TP53INP1: variants seen among roughly 807,000 people sequenced by gnomAD.
The protein encoded by TP53INP1 is tumor protein p53-inducible nuclear protein 1.
TP53INP1 carries 12 observed loss-of-function variants against 21.0 expected under a neutral mutation model. The ratio of observed to expected loss-of-function variants is 0.57; its 90% CI spans 0.37 to 0.93. The LOEUF (loss-of-function observed/expected upper bound fraction) is 0.93, where lower values mean the gene tolerates loss of function less well. TP53INP1 is among the 40% of genes least tolerant of loss of function. The pLI, the probability that TP53INP1 is intolerant of heterozygous loss-of-function variation, is 0.01. For missense variants in TP53INP1, 274 were observed against 294.7 expected, an observed-to-expected ratio of 0.93 and a Z score of 0.51; for synonymous variants, 91 against 94.8, an observed-to-expected ratio of 0.96 and a Z score of 0.23.
rs1016567522 is a variant in TP53INP1, at chr8:94,928,011, C to T, written c.*2468G>A. ...TGTGGTTGGCCTTGTGTCTTACATA[C>T]AGGAGATGCCTAACATCTAATAACC... On this transcript the variant is annotated 3_prime_UTR_variant, in exon 4 of 4. Coordinates refer to ENST00000342697, the MANE Select transcript of TP53INP1 (RefSeq NM_033285.4). The T allele has an allele frequency of 2.0e-5, 3 of 152,042 alleles. No homozygotes were observed. Among genetic ancestry groups the T allele is most frequent in the African/African-American group, 7.3e-5 (3 of 41,338 alleles). The allele number at this position is 152,042 out of a possible 1,614,324, so 9.4% of individuals were successfully genotyped here.
chr8:94,935,128 T>TATAGGTAG (rs1820838881), intron 3 of TP53INP1, among the ~76,000 whole-genome samples: 1 of 144,640 alleles, frequency 6.9e-6, no homozygotes, highest in South Asian at 2.3e-4. Flanking sequence ...GGTAGATAGA[T>TATAGGTAG]ATAGATAGAT....
chr8:94,942,330 G>A (rs1195458623), intron 1 of TP53INP1, among the ~76,000 whole-genome samples: 3 of 151,828 alleles, frequency 2.0e-5, no homozygotes, highest in East Asian at 1.9e-4. Flanking sequence ...GTGAGCTGCC[G>A]CACCCGCATG....
At chr8:94,940,249 A>G (rs2956210) in intron 2 of TP53INP1, 29 bp from the exon 3 acceptor site, 1,094,121 of 1,570,976 alleles carry the variant, frequency 0.7, 382,689 homozygotes, top group Middle Eastern at 0.77. Context: ...TGCAGTCCAC[A>G]TGTGTTGTTG....
At chr8:94,947,642 T>A (rs1822139163) in intron 1 of TP53INP1, among the ~76,000 whole-genome samples, 1 of 152,234 alleles carries the variant, frequency 6.6e-6, no homozygotes, top group Admixed American at 6.5e-5. Context: ...GTTCAACTAG[T>A]GTGCAAGGGA....
chr8:94,930,985 C>T (rs1373581586), intron 3 of TP53INP1, among the ~76,000 whole-genome samples: 4 of 152,298 alleles, frequency 2.6e-5, no homozygotes, highest in African/African-American at 9.6e-5. Context: ...TCTAAAAATA[C>T]ACTTTAAACT....
At position 94,927,194 on chromosome 8, in the gene TP53INP1, C is replaced by T. The variant is rs1195776639; in HGVS notation, c.*3285G>A. On this transcript the variant is annotated 3_prime_UTR_variant, in exon 4 of 4. Coordinates refer to ENST00000342697, the MANE Select transcript of TP53INP1 (RefSeq NM_033285.4). ...TTGGAGTCCTTCATGTTTTTGTTTC[C>T]AACTCAGAGAAAATGAGAATAATGA... The T allele has an allele frequency of 6.6e-6, 1 of 152,410 alleles. No homozygotes were observed. Among genetic ancestry groups the T allele is most frequent in the Non-Finnish European group, 1.5e-5 (1 of 67,984 alleles). The allele number at this position is 152,410 out of a possible 1,614,324, so 9.4% of individuals were successfully genotyped here. A position where few individuals can be genotyped will look rare whatever the true frequency, so the allele number is the denominator to read the frequency against.
At chr8:94,944,189 A>T (rs1821796111) in intron 1 of TP53INP1, among the ~76,000 whole-genome samples, 1 of 152,196 alleles carries the variant, frequency 6.6e-6, no homozygotes, top group South Asian at 2.1e-4. Flanking sequence ...TCTAGCCCTG[A>T]ATCAGCTAAA....
In TP53INP1 at chr8:94,929,342, G is replaced by A. The variant is rs903575697; in HGVS notation, c.*1137C>T. The A allele has an allele frequency of 2.6e-5, 4 of 151,812 alleles. No homozygotes were observed. The highest frequency in any genetic ancestry group is 9.7e-5 in the African/African-American group (4 of 41,292). The allele number at this position is 151,812 out of a possible 1,614,324, so 9.4% of individuals were successfully genotyped here. On this transcript the variant is annotated 3_prime_UTR_variant, in exon 4 of 4. Transcript: ENST00000342697. ...GGAAACAGAGGCCAGAGTGGTTAAAGATTTTGCCTGAAGTTAAAACAAAAA... is the reference window on the plus strand; with the variant it reads ...GGAAACAGAGGCCAGAGTGGTTAAAAATTTTGCCTGAAGTTAAAACAAAAA...
At chr8:94,941,634 A>T (rs564566115) in intron 1 of TP53INP1, among the ~76,000 whole-genome samples, 1 of 152,246 alleles carries the variant, frequency 6.6e-6, no homozygotes, top group Non-Finnish European at 1.5e-5. Flanking sequence ...GGCATGAAGA[A>T]ATTTACACTG....
At chr8:94,931,661 GA>G (rs1442562267) in intron 3 of TP53INP1, among the ~76,000 whole-genome samples, 1 of 151,728 alleles carries the variant, frequency 6.6e-6, no homozygotes, top group Non-Finnish European at 1.5e-5. Context: ...GAAACTAATA[GA>G]AAAAAGTTAA....
At chr8:94,931,589 C>CACAA in intron 3 of TP53INP1, among the ~76,000 whole-genome samples, 1 of 47,632 alleles carries the variant, frequency 2.1e-5, no homozygotes, top group South Asian at 1.0e-3. Context: ...ATATTTATTA[C>CACAA]ACACACACAC....
At chr8:94,935,134 TAG>T (rs1820844165) in intron 3 of TP53INP1, among the ~76,000 whole-genome samples, 1 of 145,820 alleles carries the variant, frequency 6.9e-6, no homozygotes, top group African/African-American at 2.6e-5. Context: ...TAGATATAGA[TAG>T]ATAGATAGAT....
intron 3 of TP53INP1, chr8:94,932,088 A>G: frequency 6.2e-7 from 1 of 1,610,670 alleles, no homozygotes. Context: ...CGTGAGTCTT[A>G]TAAGCAGCTT....
chr8:94,931,861 A>G (rs1586693940), intron 3 of TP53INP1, among the ~76,000 whole-genome samples: 1 of 152,108 alleles, frequency 6.6e-6, no homozygotes, highest in Non-Finnish European at 1.5e-5. Context: ...AATCCCAGCT[A>G]CTTGGGAGGC....
At chr8:94,931,756 CCTTAAT>C (rs1820423685) in intron 3 of TP53INP1, among the ~76,000 whole-genome samples, 2 of 152,010 alleles carry the variant, frequency 1.3e-5, no homozygotes, top group South Asian at 4.2e-4. Flanking sequence ...AGGTGGATCA[CCTTAAT>C]AGAGTTCAAG....
chr8:94,939,810 A>C, intron 3 of TP53INP1, 50 bp downstream of exon 3: 1 of 1,569,340 alleles, frequency 6.4e-7, no homozygotes, highest in Non-Finnish European at 8.6e-7. Context: ...GTAGAGACAA[A>C]ATGCATGCTC....
chr8:94,940,914 C>T lies in TP53INP1; in HGVS notation c.28G>A (p.Val10Met). 1 of 1,613,852 alleles carries T rather than the reference C, an allele frequency of 6.2e-7. No homozygotes were observed. Among genetic ancestry groups the T allele is most frequent in the Non-Finnish European group, 8.5e-7 (1 of 1,179,900 alleles). Residue 10 changes from valine (V) to methionine (M), a missense_variant, in exon 2 of 4, where the codon GTG (valine) becomes ATG (methionine). By Grantham distance (21) the Val-to-Met change is conservative. Transcript: ENST00000342697. MFQRLNKMF[V>M]GEVSSSSNQE... ...TTGGAGGAAGAACTGACTTCACCCA[C>T]AAACATTTTATTCAGCCTCTGGAAC...
At chr8:94,945,039 A>T (rs1319146046) in intron 1 of TP53INP1, among the ~76,000 whole-genome samples, 3 of 152,224 alleles carry the variant, frequency 2.0e-5, no homozygotes. Context: ...GAACACTTGA[A>T]ATGTGACTAG....
intron 3 of TP53INP1, among the ~76,000 whole-genome samples, chr8:94,932,545 T>C (rs1241989059): frequency 6.6e-6 from 1 of 152,262 alleles, no homozygotes; most frequent in African/African-American, 2.4e-5. Context: ...GGCTCACGCC[T>C]GTAATCCCAG....
Sources: allele counts gnomAD v4.1 joint callset (sites outside exome capture counted in the v4.1 genomes callset), GRCh38; gene constraint gnomAD v4.1.1; transcripts MANE v1.5; gene names NCBI Gene and HGNC (gene_info 2026-07-23, HGNC 2026-07-21).